CHD6: variants seen among roughly 807,000 people sequenced by gnomAD.
CHD6 encodes the protein chromodomain helicase DNA binding protein 6, also known as ATP-dependent chromatin remodeler CHD6.
In CHD6, 50 loss-of-function variants were observed where a neutral mutation model predicts 276.9. The observed-to-expected ratio is 0.18, with a 90% confidence interval of 0.14 to 0.23. The LOEUF (loss-of-function observed/expected upper bound fraction) is 0.23. CHD6 is among the 10% of genes least tolerant of loss of function. The pLI, the probability that CHD6 is intolerant of heterozygous loss-of-function variation, is 1.00. For synonymous variants in CHD6, 1,173 were observed against 1,229.3 expected, an observed-to-expected ratio of 0.95 and a Z score of 0.96; for missense variants, 2,564 against 3,365.8, an observed-to-expected ratio of 0.76 and a Z score of 5.89.
intron 8 of CHD6, among the ~76,000 whole-genome samples, chr20:41,495,718 G>T (rs767557598): frequency 1.6e-4 from 24 of 152,190 alleles, no homozygotes; most frequent in Admixed American, 4.6e-4. Flanking sequence ...GTAAACATAC[G>T]TTAAAACATC....
chr20:41,557,980 C>T (rs761086466), intron 1 of CHD6, among the ~76,000 whole-genome samples: 14 of 152,076 alleles, frequency 9.2e-5, no homozygotes, highest in Non-Finnish European at 1.9e-4. Flanking sequence ...TTTAGGAATA[C>T]GAATAAGGAC....
intron 17 of CHD6, among the ~76,000 whole-genome samples, chr20:41,471,475 G>A (rs1329801712): frequency 1.3e-5 from 2 of 152,014 alleles, no homozygotes; most frequent in African/African-American, 4.8e-5. Flanking sequence ...TGAGATCACT[G>A]GTTTTCTTTG....
chr20:41,607,160 T>C (rs2045838320), intron 1 of CHD6, among the ~76,000 whole-genome samples: 1 of 152,160 alleles, frequency 6.6e-6, no homozygotes, highest in South Asian at 2.1e-4. Context: ...GCAACACATT[T>C]CTTATGCATA....
chr20:41,449,924 T>C (rs1193690320), intron 23 of CHD6, among the ~76,000 whole-genome samples: 1 of 152,198 alleles, frequency 6.6e-6, no homozygotes, highest in Non-Finnish European at 1.5e-5. Flanking sequence ...TTTTAACTTT[T>C]TAAAGGTTCT....
At chr20:41,604,950 A>G (rs1044017315) in intron 1 of CHD6, among the ~76,000 whole-genome samples, 3 of 152,196 alleles carry the variant, frequency 2.0e-5, no homozygotes, top group African/African-American at 7.2e-5. Context: ...GAGGCTACAA[A>G]TAACATTTTC....
At chr20:41,556,225 A>C (rs1428783469) in intron 1 of CHD6, among the ~76,000 whole-genome samples, 2 of 151,456 alleles carry the variant, frequency 1.3e-5, no homozygotes, top group African/African-American at 4.9e-5. Flanking sequence ...TTGGCTCGGC[A>C]TCAGAGGGAG....
rs1394450405 is a variant in CHD6 at position 41,454,712 on chromosome 20, T to G, written c.3034A>C (p.Arg1012=). 1 of 1,613,776 alleles carries G rather than the reference T, an allele frequency of 6.2e-7. No homozygotes were observed. Among genetic ancestry groups the G allele is most frequent in the Non-Finnish European group, 8.5e-7 (1 of 1,179,902 alleles). Residue 1012 remains arginine, a synonymous_variant, in exon 20 of 37, where the codon AGA becomes CGA. Coordinates refer to ENST00000373233, the MANE Select transcript of CHD6 (RefSeq NM_032221.5). ...GGATCATCTAAGGAAATATCTGTTC[T>G]GTTTCCTGAAGCCACAAAGCTAGCC... is the stretch of plus-strand genomic sequence containing the variant. ...AKASFVASGN[R]TDISLDDPNF...
chr20:41,404,737 G>A lies in CHD6; in HGVS notation c.8004C>T (p.His2668=). ...TTTCACAGCTGGGAGCAGGCTCTGG[G>A]TGGGAGTTGGGGTTGTCCCCCTTTG... ...KKTKGDNPNS[H]PEPAPSCERE... The change falls in exon 37 of 37, where the codon CAC becomes CAT. Residue 2668 remains histidine (H), a synonymous_variant. Transcript: ENST00000373233. 1 of 1,604,366 alleles carries A rather than the reference G, an allele frequency of 6.2e-7. No individual in the cohort carries two copies.
At chr20:41,431,624 G>A (rs946324548) in intron 27 of CHD6, among the ~76,000 whole-genome samples, 8 of 152,060 alleles carry the variant, frequency 5.3e-5, no homozygotes, top group African/African-American at 2.4e-5. Flanking sequence ...ACAGACTGCC[G>A]CTTCTGGGAT....
Position 41,520,307 on chromosome 20 carries a change from A to C in CHD6, c.555-5355T>G, listed in dbSNP as rs552886036. On this transcript the variant is annotated intron_variant, in intron 3 of 36. Coordinates refer to ENST00000373233, the MANE Select transcript of CHD6 (RefSeq NM_032221.5). ...AAGTAGAAATACCATTTGACCCAGC[A>C]ATCCCATTACTGGGTATATATCCAA... is the stretch of plus-strand genomic sequence containing the variant. Among the ~76,000 whole-genome samples the C allele has an allele frequency of 2.8e-4, 42 of 152,312 alleles. 3 individuals are homozygous for C. Among genetic ancestry groups the C allele is most frequent in the East Asian group, 9.6e-4 (5 of 5,182 alleles).
intron 16 of CHD6, among the ~76,000 whole-genome samples, chr20:41,479,446 G>T (rs2043245003): frequency 6.6e-6 from 1 of 152,154 alleles, no homozygotes; most frequent in African/African-American, 2.4e-5. Flanking sequence ...ACAGGGAGCA[G>T]CAATGTGAAT....
intron 27 of CHD6, 93 bp from the exon 28 acceptor site, chr20:41,426,246 A>G (rs912225575): frequency 5.7e-6 from 5 of 874,906 alleles, no homozygotes; most frequent in Admixed American, 3.4e-5. Flanking sequence ...AGCATCACGC[A>G]TAAGAGCTGT....
At chr20:41,551,415 T>C (rs2045144335) in intron 1 of CHD6, 55 bp from the exon 2 acceptor site, 11 of 760,802 alleles carry the variant, frequency 1.4e-5, no homozygotes, top group Non-Finnish European at 2.4e-5. Context: ...AATAAAACAT[T>C]TTCAACATCT....
chr20:41,613,314 TAGTA>T (rs1186948375), intron 1 of CHD6, among the ~76,000 whole-genome samples: 2 of 152,198 alleles, frequency 1.3e-5, no homozygotes, highest in Admixed American at 1.3e-4. Flanking sequence ...ATAGCAGAAT[TAGTA>T]AGAAGCAGTA....
rs766111590 is a variant in CHD6 at position 41,421,316 on chromosome 20, G to A, written c.5319C>T (p.Asn1773=). Residue 1773 remains asparagine, a synonymous_variant, in exon 31 of 37, where the codon AAC becomes AAT. Transcript: ENST00000373233. ...SLEAGGVAQA[N]IKNGKHLLMS... is the part of the protein sequence containing the mutation. ...TCAACAAATGTTTTCCATTTTTGAT[G>A]TTTGCTTGAGCTACTCCTCCTGCTT... is the stretch of plus-strand genomic sequence containing the variant. 2 of 1,614,142 alleles carry A rather than the reference G, an allele frequency of 1.2e-6. No individual in the cohort carries two copies. Among genetic ancestry groups the A allele is most frequent in the Non-Finnish European group, 1.7e-6 (2 of 1,180,020 alleles).
chr20:41,586,265 CA>C (rs1363487213), intron 1 of CHD6, among the ~76,000 whole-genome samples: 1 of 152,234 alleles, frequency 6.6e-6, no homozygotes, highest in Admixed American at 6.5e-5. Flanking sequence ...TGAACGCCGT[CA>C]CAAGACCCGC....
At chr20:41,454,589 T>C in intron 20 of CHD6, 37 bp downstream of exon 20, 1 of 1,477,858 alleles carries the variant, frequency 6.8e-7, no homozygotes, top group Non-Finnish European at 9.4e-7. Flanking sequence ...ATGACATAAG[T>C]GAATGTTCCA....
At chr20:41,564,147 A>G in intron 1 of CHD6, 2 of 748,354 alleles carry the variant, frequency 2.7e-6, no homozygotes, top group South Asian at 2.9e-5. Context: ...AGACTGACAC[A>G]TGGGCTAAAA....
intron 31 of CHD6, among the ~76,000 whole-genome samples, chr20:41,420,006 T>G (rs1403713240): frequency 1.3e-5 from 2 of 152,248 alleles, no homozygotes; most frequent in Non-Finnish European, 1.5e-5. Context: ...CTAAATCAAA[T>G]GCACTGACCT....
Sources: allele counts gnomAD v4.1 joint callset (sites outside exome capture counted in the v4.1 genomes callset), GRCh38; gene constraint gnomAD v4.1.1; transcripts MANE v1.5; gene names NCBI Gene and HGNC (gene_info 2026-07-23, HGNC 2026-07-21).